Variants in ARHGAP26 observed in about 807,000 individuals in gnomAD.
ARHGAP26 encodes the protein Rho GTPase activating protein 26, also known as rho GTPase-activating protein 26.
ARHGAP26 carries 38 observed loss-of-function variants against 104.8 expected under a neutral mutation model. The ratio of observed to expected loss-of-function variants is 0.36; its 90% CI spans 0.28 to 0.48. The LOEUF is 0.48. Ranked by LOEUF, ARHGAP26 falls within the 20% of genes least tolerant of loss-of-function variation. The probability of loss-of-function intolerance (pLI) is 0.99; values close to 1 mark genes in which losing one functional copy is unlikely to be tolerated. For synonymous variants in ARHGAP26, 341 were observed against 340.0 expected (o/e 1.00, Z -0.03); for missense variants, 704 against 947.9 (o/e 0.74, Z 3.38).
At chr5:142,896,808 T>C (rs1388082623) in intron 6 of ARHGAP26, among the ~76,000 whole-genome samples, 2 of 152,154 alleles carry the variant, frequency 1.3e-5, no homozygotes, top group Non-Finnish European at 2.9e-5. Context: ...CTCTGAGCCT[T>C]ACTTTCCCCA....
At chr5:143,144,690 G>T (rs1042406912) in intron 19 of ARHGAP26, among the ~76,000 whole-genome samples, 3 of 152,248 alleles carry the variant, frequency 2.0e-5, no homozygotes, top group Non-Finnish European at 4.4e-5. Context: ...TTACAGGCAT[G>T]AACCACTATG....
intron 12 of ARHGAP26, among the ~76,000 whole-genome samples, chr5:143,018,594 A>G (rs1050894797): frequency 6.6e-6 from 1 of 152,190 alleles, no homozygotes; most frequent in Non-Finnish European, 1.5e-5. Context: ...CTACTAAGCT[A>G]TCCATTCTTC....
intron 11 of ARHGAP26, among the ~76,000 whole-genome samples, chr5:142,961,371 A>G (rs918928824): frequency 2.0e-5 from 3 of 152,126 alleles, no homozygotes; most frequent in African/African-American, 7.2e-5. Context: ...GTGCACCTGC[A>G]GTTCCAGCTA....
chr5:142,984,336 T>G (rs1472142934), intron 11 of ARHGAP26, among the ~76,000 whole-genome samples: 6 of 152,206 alleles, frequency 3.9e-5, no homozygotes, highest in African/African-American at 1.2e-4. Flanking sequence ...AGGGTCTGAT[T>G]AAGGAAGAAA....
At chr5:143,203,961 T>A (rs1808177088) in intron 20 of ARHGAP26, among the ~76,000 whole-genome samples, 1 of 151,940 alleles carries the variant, frequency 6.6e-6, no homozygotes, top group Non-Finnish European at 1.5e-5. Flanking sequence ...GAGAAATACC[T>A]AATGTAGATG....
chr5:142,875,800 G>A (rs1755996778), intron 3 of ARHGAP26, among the ~76,000 whole-genome samples: 1 of 152,312 alleles, frequency 6.6e-6, no homozygotes, highest in Admixed American at 6.5e-5. Context: ...GAGTGCAGTG[G>A]TACCATCATA....
chr5:143,205,981 T>G (rs1035994197), intron 20 of ARHGAP26, among the ~76,000 whole-genome samples: 1 of 152,252 alleles, frequency 6.6e-6, no homozygotes, highest in African/African-American at 2.4e-5. Context: ...CACATTAGTT[T>G]GAGCCTCTCT....
intron 1 of ARHGAP26, among the ~76,000 whole-genome samples, chr5:142,861,989 A>T (rs2152310991): frequency 6.6e-6 from 1 of 152,304 alleles, no homozygotes; most frequent in Admixed American, 6.5e-5. Flanking sequence ...ATCCTTGTGT[A>T]TGGCTCCAGG....
At chr5:142,837,674 T>C (rs573463869) in intron 1 of ARHGAP26, among the ~76,000 whole-genome samples, 2 of 152,330 alleles carry the variant, frequency 1.3e-5, no homozygotes, top group Non-Finnish European at 2.9e-5. Context: ...GAAATCAGTA[T>C]TGAGTATTTC....
At chr5:143,024,760 T>G (rs1780802370) in intron 12 of ARHGAP26, among the ~76,000 whole-genome samples, 1 of 152,176 alleles carries the variant, frequency 6.6e-6, no homozygotes, top group Non-Finnish European at 1.5e-5. Flanking sequence ...AGGGCAAACT[T>G]GGTCACTCCC....
chr5:143,211,750 G>T (rs1304534186), intron 21 of ARHGAP26, among the ~76,000 whole-genome samples: 1 of 151,110 alleles, frequency 6.6e-6, no homozygotes, highest in Non-Finnish European at 1.5e-5. Context: ...TTATTTTTTT[G>T]TAGAGATGGA....
intron 11 of ARHGAP26, among the ~76,000 whole-genome samples, chr5:142,963,301 A>G (rs1448863816): frequency 2.0e-5 from 3 of 150,818 alleles, no homozygotes; most frequent in Non-Finnish European, 2.9e-5. Context: ...GCTATTGATA[A>G]TAGTGCTGCA....
chr5:143,054,474 T>G lies in ARHGAP26; in HGVS notation c.1321T>G (p.Cys441Gly), dbSNP rs937866652. The G allele has an allele frequency of 1.9e-6, 3 of 1,613,356 alleles. No homozygotes were observed. In the African/African-American group the frequency reaches 4.0e-5, roughly 22 times the overall value. The part of the protein sequence containing the change: ...KTASETETDI[C>G]AEWEIKTITS... ...TGCTTCTGAGACAGAAACAGATATC[T>G]GTGCTGAATGGGAGATAAAGACCAT... Residue 441 changes from cysteine (C) to glycine (G), a missense_variant, in exon 15 of 23, where the codon TGT becomes GGT. Physicochemically the swap from Cys to Gly is radical, Grantham distance 159. Around this residue, in one of 6 missense-constraint regions of ARHGAP26, gnomAD observed 287 missense variants for 438.8 expected, o/e 0.65. Coordinates refer to ENST00000645722, the MANE Select transcript of ARHGAP26 (RefSeq NM_001135608.3).
intron 1 of ARHGAP26, among the ~76,000 whole-genome samples, chr5:142,813,411 A>G (rs1169591815): frequency 1.3e-5 from 2 of 152,200 alleles, no homozygotes; most frequent in Admixed American, 1.3e-4. Flanking sequence ...TGACTGTTTC[A>G]GAAGGAAACC....
chr5:143,130,802 A>G (rs941146164), intron 18 of ARHGAP26, among the ~76,000 whole-genome samples: 42 of 152,302 alleles, frequency 2.8e-4, no homozygotes, highest in African/African-American at 9.9e-4. Flanking sequence ...TTGGGGAATG[A>G]TTTTCCAGAG....
chr5:142,965,961 C>G (rs931071918), intron 11 of ARHGAP26, among the ~76,000 whole-genome samples: 97 of 152,224 alleles, frequency 6.4e-4, no homozygotes, highest in African/African-American at 2.3e-3. Flanking sequence ...TCTTTAATAG[C>G]CGGTTCTAAA....
intron 1 of ARHGAP26, among the ~76,000 whole-genome samples, chr5:142,816,856 A>G (rs187932922): frequency 6.6e-6 from 1 of 152,220 alleles, no homozygotes. Context: ...TCAAGAAGAT[A>G]GTGTCCAGTG....
intron 11 of ARHGAP26, among the ~76,000 whole-genome samples, chr5:142,995,137 AT>A (rs1776203820): frequency 6.6e-6 from 1 of 152,242 alleles, no homozygotes; most frequent in Non-Finnish European, 1.5e-5. Context: ...ACCAAAAACA[AT>A]TGCAACAAAA....
intron 11 of ARHGAP26, among the ~76,000 whole-genome samples, chr5:142,992,773 T>C (rs562024039): frequency 6.6e-6 from 1 of 152,280 alleles, no homozygotes; most frequent in South Asian, 2.1e-4. Flanking sequence ...TCAGCTGCCA[T>C]ACAGAGACCA....
Sources: gnomAD v4.1 joint callset for allele counts (sites outside exome capture counted in the v4.1 genomes callset) on GRCh38, gnomAD v4.1.1 for gene constraint, gnomAD v4.1.1 regional missense constraint, MANE v1.5 for transcripts, NCBI Gene and HGNC (gene_info 2026-07-23, HGNC 2026-07-21) for gene names.